The following HDAC5 variants were observed in gnomAD, a reference collection of about 807,000 sequenced individuals.
HDAC5 encodes histone deacetylase 5, also known as antigen NY-CO-9.
Under a neutral mutation model 133.3 loss-of-function variants are expected in HDAC5, and 25 were observed. The ratio of observed to expected loss-of-function variants is 0.19; its 90% CI spans 0.14 to 0.26. The LOEUF is 0.26. Among genes scored for constraint, HDAC5 ranks in the 10% least tolerant of loss-of-function variants. The pLI is 1.00. For missense variants in HDAC5, 1,041 were observed against 1,460.5 expected, an observed-to-expected ratio of 0.71 and a Z score of 4.68; for synonymous variants, 589 against 610.8, an observed-to-expected ratio of 0.96 and a Z score of 0.53.
At chr17:44,102,095 G>A (rs941686096) in intron 3 of HDAC5, among the ~76,000 whole-genome samples, 16 of 152,190 alleles carry the variant, frequency 1.1e-4, no homozygotes, top group African/African-American at 3.4e-4. Flanking sequence ...AACTGTGGAC[G>A]CACACTGACA....
At position 44,117,504 on chromosome 17, in the gene HDAC5, G is replaced by C. The variant is rs2052721438; in HGVS notation, c.12C>G (p.Pro4=). 1 of 1,613,976 alleles carries C rather than the reference G, an allele frequency of 6.2e-7. No homozygotes were observed. The highest frequency in any genetic ancestry group is 1.3e-5 in the African/African-American group (1 of 74,924). Residue 4 remains proline, a synonymous_variant, in exon 2 of 27, where the codon CCC becomes CCG. Transcript: ENST00000682912. The surrounding 1 kb of genome is among the most constrained non-coding windows in gnomAD (Gnocchi z 4.2). MNS[P]NESDGMSGRE... is the part of the protein sequence containing the mutation. ...CCTCCCAGCTCTTACCCGACTCGTT[G>C]GGAGAGTTCATGCCGGCTCTGGGCC...
At position 44,091,847 on chromosome 17, in the gene HDAC5, A is replaced by G; in HGVS notation, c.1033-16T>C. The stretch of plus-strand genomic sequence containing the variant: ...GAGGGAGCATCTGGGGAGCAGTCAG[A>G]AGAGACAGGCATGAGAGTGCACAAA... On this transcript the variant is annotated splice_polypyrimidine_tract_variant and intron_variant, in intron 9 of 26. Coordinates refer to ENST00000682912, the MANE Select transcript of HDAC5 (RefSeq NM_005474.5). 6.5e-7 allele frequency: 1 copy of G among 1,539,020 alleles called. No individual in the cohort carries two copies. The highest frequency in any genetic ancestry group is 2.1e-5 in the Admixed American group (1 of 47,578).
At chr17:44,084,443 G>T in intron 16 of HDAC5, 112 bp downstream of exon 16, 1 of 1,297,792 alleles carries the variant, frequency 7.7e-7, no homozygotes. Flanking sequence ...CCGCAGCAAT[G>T]CCCTATGCCC....
chr17:44,093,811 T>G lies in HDAC5; in HGVS notation c.118A>C (p.Arg40=). The change falls in exon 4 of 27, where the codon AGA becomes CGA. Residue 40 remains arginine, a synonymous_variant. Transcript: ENST00000682912. ...CCCCCCATGGAACTGGGCATGGCTC[T>G]TGGCAGCACCGGCTTCACCTCCACT... ...VTVEVKPVLP[R]AMPSSMGGGG... 1 of 1,525,298 alleles carries G rather than the reference T, an allele frequency of 6.6e-7. No homozygotes were observed. The highest frequency in any genetic ancestry group is 8.8e-7 in the Non-Finnish European group (1 of 1,136,842). The allele number at this position is 1,525,298 out of a possible 1,614,324, so 94.5% of individuals were successfully genotyped here. A position where few individuals can be genotyped will look rare whatever the true frequency, so the allele number is the denominator to read the frequency against.
intron 1 of HDAC5, chr17:44,120,732 T>G (rs2052939039): frequency 7.0e-6 from 1 of 142,286 alleles, no homozygotes; most frequent in Non-Finnish European, 1.5e-5. Flanking sequence ...TAAGAGTGAA[T>G]CTCCATCTCA....
chr17:44,123,148 C>G (rs577198992), intron 1 of HDAC5: 43 of 192,214 alleles, frequency 2.2e-4, no homozygotes, highest in African/African-American at 1.0e-3. Flanking sequence ...TCAAATGGCT[C>G]TGCAACGCAA....
intron 21 of HDAC5, 116 bp downstream of exon 21, chr17:44,080,647 G>T: frequency 6.6e-7 from 1 of 1,508,724 alleles, no homozygotes; most frequent in Admixed American, 1.7e-5. Flanking sequence ...CCCACTAGGA[G>T]CCCAGACTCC....
In HDAC5 at chr17:44,080,747, C is replaced by T. The variant is rs561352143; in HGVS notation, c.2727+16G>A. ...GAGGGGCCAGGAGGGTCTGCATTTA[C>T]GCCCAGGAGCTGTACCTCTTCAGGA... On this transcript the variant is annotated intron_variant, in intron 21 of 26. Coordinates refer to ENST00000682912, the MANE Select transcript of HDAC5 (RefSeq NM_005474.5). The T allele has an allele frequency of 1.1e-5, 18 of 1,614,170 alleles. No homozygotes were observed. Among genetic ancestry groups the T allele is most frequent in the Non-Finnish European group, 1.4e-5 (16 of 1,180,020 alleles).
chr17:44,096,387 A>C (rs1166326276), intron 3 of HDAC5, among the ~76,000 whole-genome samples: 1 of 151,470 alleles, frequency 6.6e-6, no homozygotes, highest in Non-Finnish European at 1.5e-5. Context: ...TTCTGCCTTC[A>C]TGAGCTGGCC....
chr17:44,108,562 G>A (rs952225968), intron 3 of HDAC5, among the ~76,000 whole-genome samples: 3 of 151,950 alleles, frequency 2.0e-5, no homozygotes, highest in Admixed American at 1.3e-4. Flanking sequence ...AAGCTTCCCT[G>A]GACACCTGCT....
Position 44,117,810 on chromosome 17 carries a change from G to A in HDAC5, c.-189-106C>T. Reference sequence around the variant, plus strand: ...GTACCTGGGGATGAGGGATGAGAGGGAGGGATACCTGCCCACAGCCACAGG... The same window carrying A: ...GTACCTGGGGATGAGGGATGAGAGGAAGGGATACCTGCCCACAGCCACAGG... On this transcript the variant is annotated intron_variant, in intron 1 of 26. Coordinates refer to ENST00000682912, the MANE Select transcript of HDAC5 (RefSeq NM_005474.5). The surrounding 1 kb of genome is among the most constrained non-coding windows in gnomAD (Gnocchi z 4.2). 1.8e-6 allele frequency: 1 copy of A among 567,720 alleles called. No individual in the cohort carries two copies. The allele number at this position is 567,720 out of a possible 1,614,324, so 35.2% of individuals were successfully genotyped here.
chr17:44,116,292 G>A (rs993043211), intron 2 of HDAC5, among the ~76,000 whole-genome samples: 15 of 152,216 alleles, frequency 9.9e-5, no homozygotes, highest in African/African-American at 3.6e-4. Flanking sequence ...GAGGACCCAG[G>A]CCTCTCCTTT....
At chr17:44,093,009 G>GGAA in intron 6 of HDAC5, 83 bp downstream of exon 6, 1 of 995,420 alleles carries the variant, frequency 1.0e-6, no homozygotes, top group Non-Finnish European at 1.5e-6. Flanking sequence ...ATGGGCACGG[G>GGAA]GAAGAAGCCC....
chr17:44,113,411 C>T (rs1278787674), intron 2 of HDAC5, among the ~76,000 whole-genome samples: 1 of 152,186 alleles, frequency 6.6e-6, no homozygotes, highest in Non-Finnish European at 1.5e-5. Flanking sequence ...TCAGAAAATC[C>T]TCAGTGCAAT....
At chr17:44,114,371 C>A (rs1342265631) in intron 2 of HDAC5, among the ~76,000 whole-genome samples, 1 of 152,138 alleles carries the variant, frequency 6.6e-6, no homozygotes, top group Non-Finnish European at 1.5e-5. Context: ...GAAGGCAGGA[C>A]ACCGAGGTTC....
intron 3 of HDAC5, 105 bp downstream of exon 3, chr17:44,110,624 A>C (rs1261550201): frequency 1.8e-5 from 16 of 884,896 alleles, no homozygotes; most frequent in Admixed American, 4.1e-5. Flanking sequence ...CTCTCAAGAC[A>C]GATCTATGCA....
intron 24 of HDAC5, 80 bp from the exon 25 acceptor site, chr17:44,078,959 C>G (rs1441677010): frequency 2.0e-6 from 3 of 1,537,234 alleles, no homozygotes; most frequent in Non-Finnish European, 2.7e-6. Context: ...CACTCAGCCC[C>G]AGATATCCCT....
intron 18 of HDAC5, 119 bp from the exon 19 acceptor site, chr17:44,082,939 C>A: frequency 1.2e-6 from 1 of 847,534 alleles, no homozygotes. Flanking sequence ...AAAAGCAGAT[C>A]CATATGTTTA....
rs779766611 is a variant in HDAC5 at position 44,092,367 on chromosome 17, A to T, written c.919+14T>A. 5 of 1,612,052 alleles carry T rather than the reference A, an allele frequency of 3.1e-6. No individual in the cohort carries two copies. Among genetic ancestry groups the T allele is most frequent in the Non-Finnish European group, 4.2e-6 (5 of 1,178,336 alleles). On this transcript the variant is annotated intron_variant, in intron 8 of 26. Coordinates refer to ENST00000682912, the MANE Select transcript of HDAC5 (RefSeq NM_005474.5). ...CCCAGACCCTCAGAACAGGTACATGAGAGCAGCCCTTACCCCCAGGCCCGG... is the reference window on the plus strand; with the variant it reads ...CCCAGACCCTCAGAACAGGTACATGTGAGCAGCCCTTACCCCCAGGCCCGG...
Sources: allele counts gnomAD v4.1 joint callset (sites outside exome capture counted in the v4.1 genomes callset), GRCh38; gene constraint gnomAD v4.1.1; non-coding constraint Gnocchi (gnomAD v3.1); transcripts MANE v1.5; gene names NCBI Gene and HGNC (gene_info 2026-07-23, HGNC 2026-07-21).